Variants in MCPH1 observed in about 807,000 individuals in gnomAD.
MCPH1 encodes the protein microcephalin.
Under a neutral mutation model 84.5 loss-of-function variants are expected in MCPH1, and 104 were observed. The ratio of observed to expected loss-of-function variants is 1.23; its 90% CI spans 1.05 to 1.45. The LOEUF (loss-of-function observed/expected upper bound fraction) is 1.45, where lower values mean the gene tolerates loss of function less well. MCPH1 is among the 40% of genes most tolerant of loss of function. The pLI, the probability that MCPH1 is intolerant of heterozygous loss-of-function variation, is 0.00. For missense variants in MCPH1, 1,498 were observed against 1,005.7 expected (o/e 1.49, Z -6.62); for synonymous variants, 514 against 366.8 (o/e 1.40, Z -4.58).
chr8:6,514,260 G>A (rs549181837), intron 12 of MCPH1, among the ~76,000 whole-genome samples: 2 of 152,260 alleles, frequency 1.3e-5, no homozygotes, highest in East Asian at 3.9e-4. Context: ...TGTGATCTTG[G>A]CTGACTGCAC....
intron 12 of MCPH1, among the ~76,000 whole-genome samples, chr8:6,568,172 G>T (rs1387380884): frequency 6.6e-6 from 1 of 152,176 alleles, no homozygotes; most frequent in African/African-American, 2.4e-5. Context: ...CCCAGTTGGA[G>T]GCCCTAAGGC....
At chr8:6,408,817 C>T (rs1039491093) in intron 1 of MCPH1, among the ~76,000 whole-genome samples, 1 of 152,194 alleles carries the variant, frequency 6.6e-6, no homozygotes, top group Non-Finnish European at 1.5e-5. Flanking sequence ...ACTGCCTTGG[C>T]CTTCCAGAGT....
At chr8:6,615,783 CAG>C (rs1830726909) in intron 12 of MCPH1, 1 of 152,004 alleles carries the variant, frequency 6.6e-6, no homozygotes, top group African/African-American at 2.4e-5. Flanking sequence ...ATTTGGGGGA[CAG>C]AGAACAGGCT....
At chr8:6,616,934 C>A (rs1419269516) in intron 12 of MCPH1, 1 of 152,178 alleles carries the variant, frequency 6.6e-6, no homozygotes, top group Admixed American at 6.5e-5. Context: ...CCATTTGAGG[C>A]CTGCTCACGG....
intron 11 of MCPH1, among the ~76,000 whole-genome samples, chr8:6,483,451 G>A (rs986176323): frequency 6.6e-6 from 1 of 152,224 alleles, no homozygotes; most frequent in African/African-American, 2.4e-5. Flanking sequence ...CCTCAAGGCA[G>A]TGTGGTATTG....
intron 12 of MCPH1, among the ~76,000 whole-genome samples, chr8:6,607,243 C>T (rs1343165559): frequency 6.6e-6 from 1 of 152,202 alleles, no homozygotes; most frequent in Non-Finnish European, 1.5e-5. Flanking sequence ...AGACACAGAG[C>T]ACAGAGAAGA....
rs1256454832 is a variant in MCPH1, at chr8:6,414,949, T to C, written c.233+66T>C. ...GTATTGAAAATGTGTGGAGATATTT[T>C]TCACAGATCGCAGAACCAGATAAAG... On this transcript the variant is annotated intron_variant, in intron 3 of 13. Coordinates refer to ENST00000344683, the MANE Select transcript of MCPH1 (RefSeq NM_024596.5). The C allele has an allele frequency of 5.8e-6, 9 of 1,551,058 alleles. No individual in the cohort carries two copies. In the African/African-American group the frequency reaches 1.2e-4, roughly 21 times the overall value.
chr8:6,625,378 A>G, intron 13 of MCPH1: 2 of 985,404 alleles, frequency 2.0e-6, no homozygotes, highest in Non-Finnish European at 2.4e-6. Context: ...GACAAAGCAC[A>G]TTGTGTCTTT....
At chr8:6,493,778 T>C (rs1019658823) in intron 11 of MCPH1, among the ~76,000 whole-genome samples, 1 of 152,052 alleles carries the variant, frequency 6.6e-6, no homozygotes, top group African/African-American at 2.4e-5. Context: ...TGAGACAGCG[T>C]CCCAATGATG....
chr8:6,499,873 G>T lies in MCPH1; in HGVS notation c.2158G>T (p.Gly720Cys), dbSNP rs1563292953. ...GCAGGTGCTATGGTCTTTAGAATTG[G>T]GTCACTGGATTTCTGAGGAGCCGTT... ...YDWVLWSLELGHWISEEPFEL... is the reference protein window; with the variant it reads ...YDWVLWSLELCHWISEEPFEL... Residue 720 changes from glycine to cysteine, a missense_variant, in exon 12 of 14, where the codon GGT (glycine) becomes TGT (cysteine). Gly to Cys is a radical substitution (Grantham distance 159, BLOSUM62 -3). Coordinates refer to ENST00000344683, the MANE Select transcript of MCPH1 (RefSeq NM_024596.5). The T allele has an allele frequency of 1.9e-6, 3 of 1,613,306 alleles. No individual in the cohort carries two copies. The highest frequency in any genetic ancestry group is 1.7e-5 in the Admixed American group (1 of 60,002).
At chr8:6,449,646 A>G (rs934724022) in intron 8 of MCPH1, among the ~76,000 whole-genome samples, 3 of 152,112 alleles carry the variant, frequency 2.0e-5, no homozygotes, top group African/African-American at 7.2e-5. Context: ...AAAGAAAAAA[A>G]AAAAAAGAAA....
Position 6,527,588 on chromosome 8 carries a change from G to T in MCPH1, c.2214+27659G>T, listed in dbSNP as rs372338531. On this transcript the variant is annotated intron_variant, in intron 12 of 13. Coordinates refer to ENST00000344683, the MANE Select transcript of MCPH1 (RefSeq NM_024596.5). ...ATCTTGCAATTTGTTTATTTCACTG[G>T]TCTGGTCCAAAATCTGTTTTTCCAA... The T allele has an allele frequency of 2.5e-6, 4 of 1,613,916 alleles. No individual in the cohort carries two copies. The African/African-American group carries it at 4.0e-5, about 16-fold the overall frequency.
At chr8:6,424,995 T>A (rs1052904705) in intron 3 of MCPH1, among the ~76,000 whole-genome samples, 4 of 152,224 alleles carry the variant, frequency 2.6e-5, no homozygotes, top group African/African-American at 7.2e-5. Flanking sequence ...GCCTAGAGAA[T>A]AAGATACTGG....
intron 8 of MCPH1, chr8:6,446,601 A>T (rs1804413165): frequency 3.1e-6 from 3 of 980,664 alleles, no homozygotes; most frequent in Non-Finnish European, 3.6e-6. Context: ...ATGTGTTTTC[A>T]AAATATTTAT....
At chr8:6,553,045 T>C (rs1196551695) in intron 12 of MCPH1, among the ~76,000 whole-genome samples, 1 of 152,150 alleles carries the variant, frequency 6.6e-6, no homozygotes, top group Non-Finnish European at 1.5e-5. Flanking sequence ...CATGGCTTCA[T>C]ACATTGGTCC....
At chr8:6,622,659 C>G (rs1406879072) in intron 13 of MCPH1, among the ~76,000 whole-genome samples, 1 of 152,188 alleles carries the variant, frequency 6.6e-6, no homozygotes, top group Admixed American at 6.5e-5. Context: ...GTATCGGCAG[C>G]GTTGGTTTCC....
At position 6,611,128 on chromosome 8, in the gene MCPH1, A is replaced by AGT. The variant is rs571481164; in HGVS notation, c.2215-10326_2215-10325insGT. Among the ~76,000 whole-genome samples the AGT allele has an allele frequency of 3.2e-3, 447 of 139,442 alleles. 1 individual carries two copies. Among genetic ancestry groups the AGT allele is most frequent in the African/African-American group, 0.012 (406 of 32,598 alleles). The allele number at this position is 139,442 out of a possible 152,430, so 91.5% of individuals were successfully genotyped here. A position where few individuals can be genotyped will look rare whatever the true frequency, so the allele number is the denominator to read the frequency against. On this transcript the variant is annotated intron_variant, in intron 12 of 13. Transcript: ENST00000344683. ...TACACACACACTCTCTCACACACACACTCACACACACACACACACACTCAG... is the reference window on the plus strand; with the variant it reads ...TACACACACACTCTCTCACACACACAGTCTCACACACACACACACACACTCAG...
At chr8:6,437,431 A>G (rs3020268) in intron 5 of MCPH1, among the ~76,000 whole-genome samples, 2 of 152,050 alleles carry the variant, frequency 1.3e-5, no homozygotes, top group Admixed American at 6.6e-5. Context: ...GGGTTTCACC[A>G]TGTTGGCCAG....
rs1280816328 is a variant in MCPH1 at position 6,564,303 on chromosome 8, T to G, written c.2215-57151T>G. Among the ~76,000 whole-genome samples the G allele has an allele frequency of 2.6e-5, 4 of 152,282 alleles. No homozygotes were observed. The East Asian group carries it at 7.7e-4, about 29-fold the overall frequency. ...ACAAACTTCTTTATTGTGTCAGAAT[T>G]TGTTGACATCTCAGCATTTTGTAAC... On this transcript the variant is annotated intron_variant, in intron 12 of 13. Coordinates refer to ENST00000344683, the MANE Select transcript of MCPH1 (RefSeq NM_024596.5).
Sources: allele counts gnomAD v4.1 joint callset (sites outside exome capture counted in the v4.1 genomes callset), GRCh38; gene constraint gnomAD v4.1.1; transcripts MANE v1.5; gene names NCBI Gene and HGNC (gene_info 2026-07-23, HGNC 2026-07-21).